Variants in COG6 observed in about 807,000 individuals in gnomAD.
COG6 encodes component of oligomeric golgi complex 6.
In COG6, 74 loss-of-function variants were observed where a neutral mutation model predicts 88.8. The ratio of observed to expected loss-of-function variants is 0.83; its 90% CI spans 0.69 to 1.01. COG6 has a LOEUF of 1.01. Ranked by LOEUF, COG6 falls within the 50% of genes least tolerant of loss-of-function variation. The pLI is 0.00. For missense variants in COG6, 800 were observed against 797.9 expected, an observed-to-expected ratio of 1.00 and a Z score of -0.03; for synonymous variants, 286 against 278.7, an observed-to-expected ratio of 1.03 and a Z score of -0.26.
intron 15 of COG6, among the ~76,000 whole-genome samples, chr13:39,720,372 T>C (rs1012379098): frequency 2.6e-5 from 4 of 152,174 alleles, no homozygotes; most frequent in African/African-American, 9.6e-5. Flanking sequence ...ACAAAGCCAG[T>C]TGTAAAATTT....
chr13:39,682,356 GT>G, intron 8 of COG6, 92 bp downstream of exon 8: 1 of 729,376 alleles, frequency 1.4e-6, no homozygotes, highest in Non-Finnish European at 2.4e-6. Flanking sequence ...GTATATAATA[GT>G]TTGAGTAATA....
intron 8 of COG6, among the ~76,000 whole-genome samples, chr13:39,684,374 C>T (rs1039374284): frequency 2.0e-5 from 3 of 148,988 alleles, no homozygotes; most frequent in Non-Finnish European, 4.5e-5. Flanking sequence ...CTCAGCCTCC[C>T]GAGTAGCTGG....
chr13:39,714,574 C>T (rs1353809763), intron 13 of COG6, among the ~76,000 whole-genome samples: 1 of 151,750 alleles, frequency 6.6e-6, no homozygotes, highest in Non-Finnish European at 1.5e-5. Flanking sequence ...AGTGAGACAC[C>T]ACCTTACTCT....
intron 13 of COG6, among the ~76,000 whole-genome samples, chr13:39,703,127 C>T (rs1185831138): frequency 6.6e-6 from 1 of 152,002 alleles, no homozygotes; most frequent in Non-Finnish European, 1.5e-5. Flanking sequence ...CAGGAAAGCC[C>T]CCCAGGAGGT....
In COG6 at chr13:39,724,426, A is replaced by G. The variant is rs1326309022; in HGVS notation, c.1693-82A>G. The G allele has an allele frequency of 4.6e-6, 5 of 1,085,170 alleles. No homozygotes were observed. In the East Asian group the frequency reaches 1.2e-4, roughly 26 times the overall value. 67.2% of individuals were successfully genotyped at this position (1,085,170 alleles called of 1,614,324 possible). ...TCCAAATTTGGGCAGTGCACTAATG[A>G]ACTATATTCAGTAAGTGAAATGAAA... On this transcript the variant is annotated intron_variant, in intron 16 of 18. Transcript: ENST00000455146.
At chr13:39,720,652 C>G (rs1195401425) in intron 15 of COG6, among the ~76,000 whole-genome samples, 1 of 152,040 alleles carries the variant, frequency 6.6e-6, no homozygotes, top group Non-Finnish European at 1.5e-5. Flanking sequence ...ACCATCCTCT[C>G]CACCCCCAAC....
chr13:39,735,181 T>C (rs1879669050), intron 18 of COG6, among the ~76,000 whole-genome samples: 1 of 152,154 alleles, frequency 6.6e-6, no homozygotes, highest in South Asian at 2.1e-4. Context: ...CTTCCTTCTT[T>C]CCTTCCTTCT....
chr13:39,789,656 C>T (rs1881883133), exon 19 of COG6: 1 of 152,244 alleles, frequency 6.6e-6, no homozygotes, highest in Non-Finnish European at 1.5e-5. Flanking sequence ...CCCACCAAAC[C>T]AGTCACCCCC....
intron 4 of COG6, among the ~76,000 whole-genome samples, chr13:39,671,457 A>C (rs1400948729): frequency 7.1e-6 from 1 of 141,370 alleles, no homozygotes; most frequent in Non-Finnish European, 1.6e-5. Flanking sequence ...ATTGCTGTTT[A>C]TTTCCTGATT....
At chr13:39,703,113 A>G (rs1877677735) in intron 13 of COG6, among the ~76,000 whole-genome samples, 2 of 152,106 alleles carry the variant, frequency 1.3e-5, no homozygotes, top group African/African-American at 2.4e-5. Flanking sequence ...ATTGTCTCCA[A>G]CATCAGGAAA....
chr13:39,688,582 C>T (rs1014278544), intron 10 of COG6, among the ~76,000 whole-genome samples: 5 of 152,094 alleles, frequency 3.3e-5, no homozygotes, highest in African/African-American at 1.2e-4. Flanking sequence ...GAGATGCACT[C>T]CCATAGCCCA....
intron 13 of COG6, among the ~76,000 whole-genome samples, chr13:39,709,255 T>C (rs537327645): frequency 2.0e-5 from 3 of 152,344 alleles, no homozygotes; most frequent in African/African-American, 7.2e-5. Flanking sequence ...CTGGTGGATG[T>C]TCCATACATA....
intron 18 of COG6, among the ~76,000 whole-genome samples, chr13:39,730,469 A>G (rs931235688): frequency 1.6e-4 from 24 of 152,078 alleles, no homozygotes; most frequent in African/African-American, 5.8e-4. Context: ...GGCATTTTAC[A>G]TATTTAAGAT....
At chr13:39,687,655 A>G (rs112861542) in intron 9 of COG6, 24 bp downstream of exon 9, 4 of 1,613,980 alleles carry the variant, frequency 2.5e-6, no homozygotes, top group Non-Finnish European at 3.4e-6. Context: ...ACAGCAGAAG[A>G]GGAGTTGATG....
intron 18 of COG6, among the ~76,000 whole-genome samples, chr13:39,769,563 A>G (rs1593482723): frequency 6.6e-6 from 1 of 152,234 alleles, no homozygotes; most frequent in African/African-American, 2.4e-5. Flanking sequence ...TCTAGTACAG[A>G]GCTAGATACA....
chr13:39,766,182 C>T (rs1427346228), intron 18 of COG6, among the ~76,000 whole-genome samples: 1 of 152,200 alleles, frequency 6.6e-6, no homozygotes, highest in Non-Finnish European at 1.5e-5. Context: ...CAGTTGGGGA[C>T]ACCTTACATG....
chr13:39,680,742 C>T (rs1463160820), intron 7 of COG6, among the ~76,000 whole-genome samples: 1 of 152,178 alleles, frequency 6.6e-6, no homozygotes, highest in Non-Finnish European at 1.5e-5. Flanking sequence ...CTTGCGGCCC[C>T]TTCCTCCATC....
chr13:39,707,350 A>G (rs529206043), intron 13 of COG6, among the ~76,000 whole-genome samples: 51 of 151,916 alleles, frequency 3.4e-4, no homozygotes, highest in Middle Eastern at 3.5e-3. Context: ...GATGGTCTCT[A>G]TCTCTTGACC....
intron 18 of COG6, among the ~76,000 whole-genome samples, chr13:39,778,316 T>C (rs1298943531): frequency 6.6e-6 from 1 of 152,154 alleles, no homozygotes. Context: ...GCCTAGAGCC[T>C]AGAAAAGGCA....
Sources: gnomAD v4.1 joint callset for allele counts (sites outside exome capture counted in the v4.1 genomes callset) on GRCh38, gnomAD v4.1.1 for gene constraint, MANE v1.5 for transcripts, NCBI Gene and HGNC (gene_info 2026-07-23, HGNC 2026-07-21) for gene names.